Variants in CA5B observed in about 807,000 individuals in gnomAD.
The protein encoded by CA5B is carbonic anhydrase 5B, also known as carbonic anhydrase 5B, mitochondrial.
A neutral mutation model predicts 23.1 loss-of-function variants in CA5B; 15 were observed. The observed-to-expected ratio is 0.65, with a 90% CI of 0.43 to 1.00. The LOEUF (loss-of-function observed/expected upper bound fraction) is 1.00, where lower values mean the gene tolerates loss of function less well. CA5B is among the 50% of genes least tolerant of loss of function. The pLI, the probability that CA5B is intolerant of heterozygous loss-of-function variation, is 0.00. For synonymous variants in CA5B, 84 were observed against 98.5 expected (o/e 0.85, Z 0.87); for missense variants, 236 against 252.2 (o/e 0.94, Z 0.43).
chrX:15,787,274 A>C lies in CA5B; in HGVS notation c.*4610A>C, dbSNP rs1442529444. ...CCTAGGAGGGACAACAACAAGGCCA[A>C]CCTGTTTCAGGCAGTTCCTCCATAT... On this transcript the variant is annotated 3_prime_UTR_variant, in exon 8 of 8. Coordinates refer to ENST00000318636, the MANE Select transcript of CA5B (RefSeq NM_007220.4). 1.8e-5 allele frequency: 2 copies of C among 112,229 alleles called. No individual in the cohort carries two copies. The highest frequency in any genetic ancestry group is 6.5e-5 in the African/African-American group (2 of 30,912). 9.2% of individuals were successfully genotyped at this position (112,229 alleles called of 1,213,427 possible).
intron 1 of CA5B, among the ~76,000 whole-genome samples, chrX:15,749,434 C>T (rs1159104304): frequency 8.9e-6 from 1 of 112,020 alleles, no homozygotes; most frequent in Non-Finnish European, 1.9e-5. Context: ...TATATTTAAG[C>T]TCAGATTTCA....
At chrX:15,755,476 C>T (rs142229683) in intron 2 of CA5B, among the ~76,000 whole-genome samples, 1,290 of 112,423 alleles carry the variant, frequency 0.011, 4 homozygotes, top group Middle Eastern at 0.019. Flanking sequence ...GCATTAAGGC[C>T]AAGGCCTACA....
intron 7 of CA5B, among the ~76,000 whole-genome samples, chrX:15,779,832 T>C (rs1931989834): frequency 8.9e-6 from 1 of 112,237 alleles, no homozygotes; most frequent in African/African-American, 3.2e-5. Flanking sequence ...CCTTGACTTA[T>C]ATTCCTTCTA....
In CA5B at chrX:15,750,135, A is replaced by G. The variant is rs767804694; in HGVS notation, c.112A>G (p.Thr38Ala). Residue 38 changes from threonine (T) to alanine (A), a missense_variant, in exon 2 of 8, where the codon ACT becomes GCT. Around this residue, in one of 3 missense-constraint regions of CA5B, gnomAD observed 54 missense variants for 46.6 expected, o/e 1.16. Transcript: ENST00000318636. Reference protein sequence around the residue: ...FMPARPCSLYTCTYKTRNRAL... With the variant: ...FMPARPCSLYACTYKTRNRAL... Reference sequence around the variant, plus strand: ...GCCAGCGAGGCCCTGCAGCCTCTATACTTGTACTTACAAAACCCGGAACCG... The same window carrying G: ...GCCAGCGAGGCCCTGCAGCCTCTATGCTTGTACTTACAAAACCCGGAACCG... 8.3e-7 allele frequency: 1 copy of G among 1,211,036 alleles called. No homozygotes were observed. The highest frequency in any genetic ancestry group is 3.0e-5 in the East Asian group (1 of 33,842).
chrX:15,740,184 G>C (rs1240379763), intron 1 of CA5B, among the ~76,000 whole-genome samples: 1 of 112,042 alleles, frequency 8.9e-6, no homozygotes, highest in Admixed American at 9.5e-5. Flanking sequence ...ATGGCAAAGA[G>C]TATATAACAC....
At chrX:15,752,628 G>C (rs987788743) in intron 2 of CA5B, among the ~76,000 whole-genome samples, 11 of 110,838 alleles carry the variant, frequency 9.9e-5, no homozygotes, top group Non-Finnish European at 1.7e-4. Context: ...AGGATGCTGA[G>C]GCATGAGAAT....
chrX:15,757,072 GT>G (rs1436879540), intron 2 of CA5B, among the ~76,000 whole-genome samples: 4 of 85,875 alleles, frequency 4.7e-5, no homozygotes, highest in Non-Finnish European at 1.0e-4. Flanking sequence ...AAAAAAAAAA[GT>G]TTTTAAAAAC....
chrX:15,756,482 A>G (rs942396617), intron 2 of CA5B, among the ~76,000 whole-genome samples: 1 of 112,826 alleles, frequency 8.9e-6, no homozygotes, highest in African/African-American at 3.2e-5. Flanking sequence ...ATGGTATGAA[A>G]GCAAATTCAG....
At chrX:15,752,895 C>A (rs1931405035) in intron 2 of CA5B, among the ~76,000 whole-genome samples, 1 of 111,341 alleles carries the variant, frequency 9.0e-6, no homozygotes, top group Non-Finnish European at 1.9e-5. Flanking sequence ...TTTATCTTAA[C>A]CTGAACATTC....
chrX:15,750,381 A>G (rs1931332955), intron 2 of CA5B: 1 of 319,962 alleles, frequency 3.1e-6, no homozygotes, highest in Non-Finnish European at 5.4e-6. Context: ...AACTGTGAGA[A>G]TAACTGTTTC....
intron 5 of CA5B, among the ~76,000 whole-genome samples, 166 bp downstream of exon 5, chrX:15,774,563 G>A (rs185326474): frequency 1.2e-3 from 137 of 112,027 alleles, no homozygotes; most frequent in Admixed American, 2.5e-3. Flanking sequence ...GCCAGGCATG[G>A]TGGCTCACGC....
At chrX:15,769,170 A>G (rs1569279309) in intron 3 of CA5B, among the ~76,000 whole-genome samples, 1 of 112,102 alleles carries the variant, frequency 8.9e-6, no homozygotes, top group Non-Finnish European at 1.9e-5. Flanking sequence ...GAAGATCAAC[A>G]AAGTTCACAA....
chrX:15,756,843 A>G (rs1931497475), intron 2 of CA5B, among the ~76,000 whole-genome samples: 1 of 110,170 alleles, frequency 9.1e-6, no homozygotes, highest in Admixed American at 9.7e-5. Context: ...TCACAAGGTC[A>G]GGAGATCGAG....
intron 2 of CA5B, chrX:15,750,477 A>G: frequency 5.3e-6 from 1 of 187,506 alleles, no homozygotes. Flanking sequence ...AAACTGGACA[A>G]GAGACAGATC....
intron 7 of CA5B, among the ~76,000 whole-genome samples, chrX:15,781,578 A>G (rs1932024458): frequency 9.0e-6 from 1 of 111,494 alleles, no homozygotes; most frequent in African/African-American, 3.3e-5. Flanking sequence ...AGAAAGTTCT[A>G]TTGGACAGCA....
chrX:15,776,352 A>G (rs993311174), intron 6 of CA5B, among the ~76,000 whole-genome samples: 3 of 108,279 alleles, frequency 2.8e-5, no homozygotes, highest in African/African-American at 6.7e-5. Flanking sequence ...AAAAAAAAAA[A>G]AAAAAGAAAA....
intron 1 of CA5B, among the ~76,000 whole-genome samples, chrX:15,746,674 A>T (rs1184433142): frequency 9.0e-6 from 1 of 111,339 alleles, no homozygotes; most frequent in African/African-American, 3.3e-5. Flanking sequence ...GCATCCAGGG[A>T]TCAGTTTTTA....
At chrX:15,781,014 C>T (rs1315815702) in intron 7 of CA5B, among the ~76,000 whole-genome samples, 3 of 107,687 alleles carry the variant, frequency 2.8e-5, no homozygotes, top group African/African-American at 1.0e-4. Context: ...GTTTCACTCT[C>T]GTTGCCCAGG....
At chrX:15,758,822 A>G (rs781601752) in intron 2 of CA5B, among the ~76,000 whole-genome samples, 3 of 111,755 alleles carry the variant, frequency 2.7e-5, no homozygotes, top group Non-Finnish European at 3.8e-5. Context: ...TTTTGAGGAG[A>G]CGTATACATT....
Sources: allele counts gnomAD v4.1 joint callset (sites outside exome capture counted in the v4.1 genomes callset), GRCh38; gene constraint gnomAD v4.1.1; regional missense constraint gnomAD v4.1.1; transcripts MANE v1.5; gene names NCBI Gene and HGNC (gene_info 2026-07-23, HGNC 2026-07-21).